Variants in RBBP8 observed in about 807,000 individuals in gnomAD.
RBBP8 encodes the protein DNA endonuclease RBBP8.
Under a neutral mutation model 108.3 loss-of-function variants are expected in RBBP8, and 88 were observed. The observed-to-expected ratio is 0.81, with a 90% confidence interval of 0.68 to 0.97. The LOEUF (loss-of-function observed/expected upper bound fraction) is 0.97, where lower values mean the gene tolerates loss of function less well. RBBP8 is among the 50% of genes least tolerant of loss of function. The probability of loss-of-function intolerance (pLI) is 0.00; values close to 1 mark genes in which losing one functional copy is unlikely to be tolerated. For missense variants in RBBP8, 1,023 were observed against 1,049.0 expected (o/e 0.98, Z 0.34); for synonymous variants, 332 against 348.2 (o/e 0.95, Z 0.52).
intron 4 of RBBP8, among the ~76,000 whole-genome samples, chr18:22,964,124 A>T (rs987294310): frequency 6.6e-6 from 1 of 152,132 alleles, no homozygotes; most frequent in Non-Finnish European, 1.5e-5. Flanking sequence ...AATCCCCACC[A>T]AAACAGTGCT....
intron 9 of RBBP8, among the ~76,000 whole-genome samples, chr18:22,989,816 A>G (rs563773348): frequency 6.6e-6 from 1 of 152,040 alleles, no homozygotes; most frequent in Non-Finnish European, 1.5e-5. Context: ...GGGACTACAG[A>G]CATATACCAT....
intron 13 of RBBP8, 56 bp downstream of exon 13, chr18:22,996,518 G>A: frequency 6.3e-7 from 1 of 1,596,194 alleles, no homozygotes; most frequent in Non-Finnish European, 8.5e-7. Context: ...TGAGTTGTTA[G>A]TCAACCTCCT....
At chr18:22,922,529 C>G (rs1158104597) in intron 3 of RBBP8, among the ~76,000 whole-genome samples, 2 of 152,146 alleles carry the variant, frequency 1.3e-5, no homozygotes, top group African/African-American at 4.8e-5. Context: ...GTGGCAAGAT[C>G]TCAGCTCACT....
intron 2 of RBBP8, among the ~76,000 whole-genome samples, chr18:22,945,384 TTTTA>T (rs769455515): frequency 2.4e-4 from 37 of 152,076 alleles, no homozygotes; most frequent in Non-Finnish European, 4.3e-4. Flanking sequence ...TTTTGTTTTA[TTTTA>T]TTTTATTTTA....
intron 6 of RBBP8, among the ~76,000 whole-genome samples, chr18:22,979,873 A>G (rs1914775012): frequency 6.6e-6 from 1 of 152,224 alleles, no homozygotes; most frequent in Non-Finnish European, 1.5e-5. Context: ...CTACTGTGGT[A>G]GGCTCTTGTG....
intron 9 of RBBP8, among the ~76,000 whole-genome samples, chr18:22,990,654 A>T (rs1474760898): frequency 6.6e-6 from 1 of 152,152 alleles, no homozygotes. Flanking sequence ...ATCACCTTCA[A>T]AGAAAACCTC....
intron 16 of RBBP8, among the ~76,000 whole-genome samples, chr18:23,008,048 G>A (rs1222869906): frequency 6.6e-6 from 1 of 151,824 alleles, no homozygotes; most frequent in Non-Finnish European, 1.5e-5. Context: ...TCCTGACCTC[G>A]TGATCCACCC....
Position 23,022,130 on chromosome 18 carries a change from AT to A in RBBP8, c.2458del (p.Tyr820MetfsTer81). The A allele has an allele frequency of 6.3e-7, 1 of 1,594,018 alleles. No individual in the cohort carries two copies. The highest frequency in any genetic ancestry group is 8.6e-7 in the Non-Finnish European group (1 of 1,161,786). ...LGHTCKECEI[Y>X]YADMPAEERE... ...AAACTTACCAGTTTTTATTATTAGT[AT>A]TATGCAGATATGCCAGCAGAAGAAA... On this transcript the variant is annotated frameshift_variant and splice_region_variant, in exon 18 of 19. Coordinates refer to ENST00000327155, the MANE Select transcript of RBBP8 (RefSeq NM_002894.3). LOFTEE classifies it high-confidence loss of function.
intron 2 of RBBP8, among the ~76,000 whole-genome samples, chr18:22,941,392 G>A (rs1331508805): frequency 6.6e-6 from 1 of 151,920 alleles, no homozygotes; most frequent in African/African-American, 2.4e-5. Flanking sequence ...GGCTGGTCTT[G>A]AATTGCTGAC....
chr18:22,921,995 T>C (rs569867296), intron 3 of RBBP8, among the ~76,000 whole-genome samples: 2 of 152,256 alleles, frequency 1.3e-5, no homozygotes, highest in East Asian at 3.9e-4. Context: ...TTTTGAATAG[T>C]ACAAGTTTGT....
At chr18:22,936,321 C>CA (rs112735630) in intron 1 of RBBP8, among the ~76,000 whole-genome samples, 25,022 of 151,980 alleles carry the variant, frequency 0.16, 2,680 homozygotes, top group African/African-American at 0.31. Flanking sequence ...AGGCTGATCT[C>CA]AAACTCCTGG....
chr18:23,011,469 G>A (rs1258359569), intron 16 of RBBP8, among the ~76,000 whole-genome samples: 8 of 137,268 alleles, frequency 5.8e-5, no homozygotes, highest in Admixed American at 8.0e-5. Flanking sequence ...ACAGAGTCTC[G>A]CTCTGTCGCC....
At chr18:22,951,840 G>T (rs1361081977) in intron 4 of RBBP8, among the ~76,000 whole-genome samples, 1 of 152,142 alleles carries the variant, frequency 6.6e-6, no homozygotes, top group Non-Finnish European at 1.5e-5. Context: ...TTTGTTAAAG[G>T]TTACAAGTCA....
chr18:22,991,154 T>C (rs1173047661), intron 10 of RBBP8, 105 bp downstream of exon 10: 1 of 844,348 alleles, frequency 1.2e-6, no homozygotes, highest in African/African-American at 1.7e-5. Flanking sequence ...TATAGTTTGT[T>C]ATTGTGGTTA....
At chr18:22,961,151 G>A (rs1913069242) in intron 4 of RBBP8, among the ~76,000 whole-genome samples, 1 of 152,208 alleles carries the variant, frequency 6.6e-6, no homozygotes, top group African/African-American at 2.4e-5. Flanking sequence ...CCAGTAATCA[G>A]CAAGAAATAA....
At chr18:23,024,743 C>T (rs1414739470) in intron 18 of RBBP8, 1 of 152,094 alleles carries the variant, frequency 6.6e-6, no homozygotes, top group Non-Finnish European at 1.5e-5. Flanking sequence ...GATATGTTTT[C>T]TGGTATGTGA....
intron 12 of RBBP8, among the ~76,000 whole-genome samples, chr18:22,994,599 G>T (rs1175198711): frequency 6.8e-6 from 1 of 147,178 alleles, no homozygotes; most frequent in Non-Finnish European, 1.5e-5. Context: ...CCGAGATCGT[G>T]CCACTGCACT....
At chr18:22,936,036 TAAGTC>T (rs1160208176) in intron 1 of RBBP8, among the ~76,000 whole-genome samples, 1 of 152,216 alleles carries the variant, frequency 6.6e-6, no homozygotes, top group African/African-American at 2.4e-5. Flanking sequence ...GGATGCTTGT[TAAGTC>T]AAGACTAAGA....
At chr18:22,999,937 G>A (rs1015062053) in intron 14 of RBBP8, among the ~76,000 whole-genome samples, 2 of 152,164 alleles carry the variant, frequency 1.3e-5, no homozygotes, top group Non-Finnish European at 2.9e-5. Context: ...CTAGCACAAT[G>A]CCTGGTGCAT....
Sources: gnomAD v4.1 joint callset for allele counts (sites outside exome capture counted in the v4.1 genomes callset) on GRCh38, gnomAD v4.1.1 for gene constraint, MANE v1.5 for transcripts, NCBI Gene and HGNC (gene_info 2026-07-23, HGNC 2026-07-21) for gene names.